Variants in AGR3 observed in about 807,000 individuals in gnomAD.
AGR3 encodes anterior gradient 3, protein disulphide isomerase family member.
In AGR3, 37 loss-of-function variants were observed where a neutral mutation model predicts 24.5. The ratio of observed to expected loss-of-function variants is 1.51; its 90% confidence interval spans 1.16 to 1.99. The LOEUF (loss-of-function observed/expected upper bound fraction) is 1.99, where lower values mean the gene tolerates loss of function less well. AGR3 is among the 30% of genes most tolerant of loss of function. The probability of loss-of-function intolerance (pLI) is 0.00; values close to 1 mark genes in which losing one functional copy is unlikely to be tolerated. For missense variants in AGR3, 228 were observed against 191.1 expected (o/e 1.19, Z -1.14); for synonymous variants, 75 against 61.6 (o/e 1.22, Z -1.02).
chr7:16,856,722 A>T (rs1384070925), downstream of AGR3, among the ~76,000 whole-genome samples: 1 of 152,106 alleles, frequency 6.6e-6, no homozygotes, highest in East Asian at 1.9e-4. Context: ...TAACTTTTTT[A>T]AAATGTTGGC....
intron 6 of AGR3, 97 bp downstream of exon 6, chr7:16,861,287 A>G (rs1037061980): frequency 1.1e-6 from 1 of 907,404 alleles, no homozygotes; most frequent in African/African-American, 1.7e-5. Context: ...ACTTCTCTTT[A>G]AAAAGAATAG....
intron 1 of AGR3, 86 bp from the exon 2 acceptor site, chr7:16,878,731 T>C: frequency 1.0e-6 from 1 of 977,598 alleles, no homozygotes; most frequent in Non-Finnish European, 1.5e-6. Context: ...GGACCAATAC[T>C]GTGATGACAG....
chr7:16,858,560 G>T (rs1441588431), downstream of AGR3, among the ~76,000 whole-genome samples: 1 of 152,044 alleles, frequency 6.6e-6, no homozygotes, highest in Admixed American at 6.6e-5. Flanking sequence ...AAGTTTTAAA[G>T]TATCTACCCA....
chr7:16,863,323 T>A (rs925614260), intron 3 of AGR3, among the ~76,000 whole-genome samples: 5 of 152,224 alleles, frequency 3.3e-5, no homozygotes, highest in East Asian at 1.9e-4. Flanking sequence ...TTTAGTTTTT[T>A]AAAAAGTTTT....
Position 16,873,921 on chromosome 7 carries a change from A to G in AGR3, c.110-78T>C, listed in dbSNP as rs1781934779. 2.7e-6 allele frequency: 3 copies of G among 1,093,548 alleles called. No individual in the cohort carries two copies. The Admixed American group carries it at 5.3e-5, about 19-fold the overall frequency. The allele number at this position is 1,093,548 out of a possible 1,614,324, so 67.7% of individuals were successfully genotyped here. Reference sequence around the variant, plus strand: ...GGAAATGGGTATCTAATAATCAGATATCTACCTACAGATATTTAACTAAGC... The same window carrying G: ...GGAAATGGGTATCTAATAATCAGATGTCTACCTACAGATATTTAACTAAGC... On this transcript the variant is annotated intron_variant, in intron 2 of 7. Transcript: ENST00000310398.
intron 3 of AGR3, among the ~76,000 whole-genome samples, chr7:16,868,997 G>T (rs7804221): frequency 6.6e-6 from 1 of 151,926 alleles, no homozygotes; most frequent in Non-Finnish European, 1.5e-5. Flanking sequence ...TAATTCCTAC[G>T]CTATGAGAAC....
At chr7:16,865,403 T>C (rs1221684291) in intron 3 of AGR3, 3 of 978,338 alleles carry the variant, frequency 3.1e-6, no homozygotes, top group Non-Finnish European at 4.9e-6. Context: ...CTATAGTCAC[T>C]ATTCGATTAA....
At chr7:16,855,399 G>GCAAA, downstream of AGR3, among the ~76,000 whole-genome samples, 1 of 151,926 alleles carries the variant, frequency 6.6e-6, no homozygotes, top group Admixed American at 6.5e-5. Context: ...TAAACTTCTA[G>GCAAA]AATTCATTCC....
chr7:16,881,366 C>A (rs1782113324), intron 1 of AGR3, among the ~76,000 whole-genome samples: 1 of 152,074 alleles, frequency 6.6e-6, no homozygotes, highest in African/African-American at 2.4e-5. Context: ...ACAACTTGTA[C>A]ACTGTAGATT....
intron 1 of AGR3, among the ~76,000 whole-genome samples, chr7:16,880,174 CTTTTT>C (rs148378416): frequency 8.6e-6 from 1 of 116,452 alleles, no homozygotes. Flanking sequence ...TCCTTTCTTT[CTTTTT>C]TTTTTTTTTT....
chr7:16,873,916 C>CAAATATCTGTAGGT, intron 2 of AGR3, 73 bp from the exon 3 acceptor site: 1 of 1,106,936 alleles, frequency 9.0e-7, no homozygotes, highest in Non-Finnish European at 1.4e-6. Flanking sequence ...ATCTAATAAT[C>CAAATATCTGTAGGT]AGATATCTAC....
chr7:16,877,679 C>A (rs910509052), intron 2 of AGR3, among the ~76,000 whole-genome samples: 1 of 151,758 alleles, frequency 6.6e-6, no homozygotes, highest in East Asian at 1.9e-4. Context: ...CTGGCTAACA[C>A]GGTGAAACCC....
chr7:16,868,902 TGGTC>T (rs1781810808), intron 3 of AGR3, among the ~76,000 whole-genome samples: 1 of 152,228 alleles, frequency 6.6e-6, no homozygotes, highest in African/African-American at 2.4e-5. Flanking sequence ...CATCTGTTGA[TGGTC>T]AGAAAAGATA....
At chr7:16,876,772 G>A (rs1001093117) in intron 2 of AGR3, among the ~76,000 whole-genome samples, 5 of 152,114 alleles carry the variant, frequency 3.3e-5, no homozygotes, top group African/African-American at 1.2e-4. Flanking sequence ...GTTTAAAATA[G>A]GGCATACAAA....
At chr7:16,856,023 A>G (rs962205617), downstream of AGR3, among the ~76,000 whole-genome samples, 9 of 152,174 alleles carry the variant, frequency 5.9e-5, no homozygotes, top group African/African-American at 2.2e-4. Context: ...ATTCATGGGT[A>G]CTGCATCTTG....
chr7:16,870,312 A>T (rs888407713), intron 3 of AGR3, among the ~76,000 whole-genome samples: 3 of 151,980 alleles, frequency 2.0e-5, no homozygotes, highest in African/African-American at 7.2e-5. Flanking sequence ...AAATTTTTTT[A>T]GTTTTTCACG....
At chr7:16,861,955 A>G in intron 5 of AGR3, 29 bp downstream of exon 5, 1 of 1,522,598 alleles carries the variant, frequency 6.6e-7, no homozygotes, top group Non-Finnish European at 9.0e-7. Context: ...AAATTATAGT[A>G]TTAAGAAAAC....
At chr7:16,867,171 T>A (rs1562547592) in intron 3 of AGR3, among the ~76,000 whole-genome samples, 1 of 152,198 alleles carries the variant, frequency 6.6e-6, no homozygotes, top group Non-Finnish European at 1.5e-5. Flanking sequence ...TTAATTTTCA[T>A]AATTATATCT....
At chr7:16,860,655 A>G in intron 6 of AGR3, 72 bp from the exon 7 acceptor site, 1 of 1,081,236 alleles carries the variant, frequency 9.2e-7, no homozygotes, top group Non-Finnish European at 1.4e-6. Context: ...TAAAAACTTA[A>G]TTATTATTTT....
Sources: gnomAD v4.1 joint callset for allele counts (sites outside exome capture counted in the v4.1 genomes callset) on GRCh38, gnomAD v4.1.1 for gene constraint, MANE v1.5 for transcripts, NCBI Gene and HGNC (gene_info 2026-07-23, HGNC 2026-07-21) for gene names.